ZNF544: variants seen among roughly 807,000 people sequenced by gnomAD.
ZNF544 encodes the protein zinc finger protein 544.
ZNF544 carries 10 observed loss-of-function variants against 13.5 expected under a neutral mutation model. The observed-to-expected ratio is 0.74, with a 90% confidence interval of 0.46 to 1.25. The LOEUF is 1.25. ZNF544 is among the 50% of genes most tolerant of loss of function. ZNF544 has a pLI of 0.00. For synonymous variants in ZNF544, 323 were observed against 300.5 expected, an observed-to-expected ratio of 1.07 and a Z score of -0.77; for missense variants, 896 against 845.6, an observed-to-expected ratio of 1.06 and a Z score of -0.74.
intron 3 of ZNF544, among the ~76,000 whole-genome samples, chr19:58,238,083 C>T (rs2146688305): frequency 6.6e-6 from 1 of 152,298 alleles, no homozygotes; most frequent in South Asian, 2.1e-4. Flanking sequence ...CAGACGTGCA[C>T]CACCACGCCC....
intron 3 of ZNF544, chr19:58,231,955 C>T (rs2041324315): frequency 6.6e-6 from 1 of 152,046 alleles, no homozygotes; most frequent in African/African-American, 2.4e-5. Context: ...ATTCTTGTGC[C>T]TCAGCCTCCC....
intron 6 of ZNF544, among the ~76,000 whole-genome samples, chr19:58,253,308 T>C (rs979263704): frequency 2.6e-5 from 4 of 152,264 alleles, no homozygotes; most frequent in Non-Finnish European, 4.4e-5. Context: ...TCTAAAGTTA[T>C]TTCCTTGTTA....
intron 3 of ZNF544, among the ~76,000 whole-genome samples, chr19:58,235,535 G>C (rs1468351990): frequency 1.3e-5 from 2 of 152,130 alleles, no homozygotes; most frequent in Non-Finnish European, 2.9e-5. Flanking sequence ...TAAAATGTGT[G>C]TGATTTATAC....
chr19:58,272,859 C>T (rs185537855), intron 5 of ZNF544, among the ~76,000 whole-genome samples: 80 of 148,460 alleles, frequency 5.4e-4, no homozygotes, highest in Non-Finnish European at 1.0e-3. Flanking sequence ...GGCTACAGAG[C>T]GAGTCTCCTT....
chr19:58,237,062 C>CT lies in ZNF544; in HGVS notation c.-60+6617dup, dbSNP rs869237830. 8.0e-3 allele frequency among the ~76,000 whole-genome samples: 1,068 copies of CT among 133,300 alleles called. 10 individuals are homozygous for CT. Among genetic ancestry groups the CT allele is most frequent in the East Asian group, 0.02 (90 of 4,558 alleles). 87.4% of individuals were successfully genotyped at this position (133,300 alleles called of 152,430 possible). ...GGCCTCATTCTATGAAACTTTTTAC[C>CT]TTTTTTTTTTTTTTTTTCCCCACAT... On this transcript the variant is annotated intron_variant, in intron 3 of 6. Transcript: ENST00000687789.
rs1425569519 is a variant in ZNF544 at position 58,261,600 on chromosome 19, T to C, written c.994T>C (p.Cys332Arg). 6.2e-7 allele frequency: 1 copy of C among 1,614,226 alleles called. No homozygotes were observed. Among genetic ancestry groups the C allele is most frequent in the South Asian group, 1.1e-5 (1 of 91,090 alleles). The change falls in exon 7 of 7, where the codon TGT (cysteine) becomes CGT (arginine). Residue 332 changes from cysteine (C) to arginine (R), a missense_variant. Transcript: ENST00000687789. ...GETPFRCEERCAAFPMASSFS... is the reference protein window; with the variant it reads ...GETPFRCEERRAAFPMASSFS... The stretch of plus-strand genomic sequence containing the variant: ...GACCCCCTTCAGATGTGAGGAACGC[T>C]GTGCTGCCTTCCCCATGGCCTCATC...
chr19:58,274,327 A>G (rs1252108583), intron 5 of ZNF544, among the ~76,000 whole-genome samples: 1 of 152,194 alleles, frequency 6.6e-6, no homozygotes, highest in Admixed American at 6.5e-5. Flanking sequence ...CATTAGAGTG[A>G]GCCCTGGTCC....
chr19:58,271,697 G>A (rs1476004154), intron 5 of ZNF544, among the ~76,000 whole-genome samples: 3 of 152,170 alleles, frequency 2.0e-5, no homozygotes, highest in African/African-American at 7.2e-5. Flanking sequence ...ATTCCCTGGT[G>A]GTTCACTTCT....
At chr19:58,274,381 C>T (rs2051057870) in intron 5 of ZNF544, among the ~76,000 whole-genome samples, 1 of 152,046 alleles carries the variant, frequency 6.6e-6, no homozygotes, top group Non-Finnish European at 1.5e-5. Flanking sequence ...TGGAGACAGA[C>T]AACTTGTCAC....
In ZNF544 at chr19:58,262,519, A is replaced by G. The variant is rs1436688983; in HGVS notation, c.1913A>G (p.Asn638Ser). The G allele has an allele frequency of 2.5e-6, 4 of 1,614,092 alleles. No individual in the cohort carries two copies. The highest frequency in any genetic ancestry group is 1.3e-5 in the African/African-American group (1 of 74,936). Reference sequence around the variant, plus strand: ...AAGCCGTACAAATGCAATCAGTGCAATAAAGCCTTTGCAAGGAGCTCCTAC... The same window carrying G: ...AAGCCGTACAAATGCAATCAGTGCAGTAAAGCCTTTGCAAGGAGCTCCTAC... ...GEKPYKCNQC[N>S]KAFARSSYLV... Residue 638 changes from asparagine (N) to serine (S), a missense_variant, in exon 7 of 7, where the codon AAT becomes AGT. Transcript: ENST00000687789.
chr19:58,230,812 C>T lies in ZNF544; in HGVS notation c.-60+350C>T, dbSNP rs75968021. Among the ~76,000 whole-genome samples, 6 of 152,198 alleles carry T rather than the reference C, an allele frequency of 3.9e-5. No homozygotes were observed. In the East Asian group the frequency reaches 9.7e-4, roughly 25 times the overall value. On this transcript the variant is annotated intron_variant, in intron 3 of 6. Coordinates refer to ENST00000687789, the MANE Select transcript of ZNF544 (RefSeq NM_014480.4). ...GTGGGGCACTGGGATATGGATTCAT[C>T]TTGACCAGGGAGAAGACATCTCAGC...
At chr19:58,254,915 T>G (rs2046943640) in intron 6 of ZNF544, among the ~76,000 whole-genome samples, 1 of 151,056 alleles carries the variant, frequency 6.6e-6, no homozygotes. Flanking sequence ...TGAGATGGAG[T>G]CTCACTCTGT....
chr19:58,275,836 G>T (rs1474105310), intron 5 of ZNF544, among the ~76,000 whole-genome samples: 2 of 138,398 alleles, frequency 1.4e-5, no homozygotes, highest in East Asian at 4.3e-4. Flanking sequence ...CAAAATCACA[G>T]ATTCCACACC....
chr19:58,262,690 A>G lies in ZNF544; in HGVS notation c.2084A>G (p.Lys695Arg). The G allele has an allele frequency of 1.2e-6, 2 of 1,612,640 alleles. No individual in the cohort carries two copies. The highest frequency in any genetic ancestry group is 1.7e-6 in the Non-Finnish European group (2 of 1,178,826). ...EKPYECSDCG[K>R]SFRQQSQLVV... is the part of the protein sequence containing the mutation. ...CCCTATGAATGTAGTGACTGTGGGA[A>G]ATCCTTCCGGCAGCAATCTCAACTT... is the stretch of plus-strand genomic sequence containing the variant. Residue 695 changes from lysine to arginine, a missense_variant, in exon 7 of 7, where the codon AAA becomes AGA. Physicochemically the swap from Lys to Arg is conservative, Grantham distance 26. Transcript: ENST00000687789.
intron 3 of ZNF544, among the ~76,000 whole-genome samples, chr19:58,233,439 A>G (rs2041772091): frequency 6.6e-6 from 1 of 152,236 alleles, no homozygotes; most frequent in Non-Finnish European, 1.5e-5. Flanking sequence ...ATAGATATAA[A>G]GCAAAAATTG....
rs767841590 is a variant in ZNF544, at chr19:58,261,233, T to A, written c.627T>A (p.Asp209Glu). 1.2e-6 allele frequency: 2 copies of A among 1,614,056 alleles called. No individual in the cohort carries two copies. Among genetic ancestry groups the A allele is most frequent in the Non-Finnish European group, 1.7e-6 (2 of 1,180,044 alleles). The change falls in exon 7 of 7, where the codon GAT (aspartate) becomes GAA (glutamate). Residue 209 changes from aspartate to glutamate, a missense_variant. Asp to Glu is a conservative substitution (Grantham distance 45, BLOSUM62 2). Transcript: ENST00000687789. ...TTAATCATGAGAAAAATGGAGCAGA[T>A]GGGAAGCACTGTGAGAGTCATCAGT... Reference protein sequence around the residue: ...AFINHEKNGADGKHCESHQCA... With the variant: ...AFINHEKNGAEGKHCESHQCA...
chr19:58,252,829 TTA>T (rs2046508798), intron 6 of ZNF544, among the ~76,000 whole-genome samples: 1 of 152,224 alleles, frequency 6.6e-6, no homozygotes, highest in South Asian at 2.1e-4. Flanking sequence ...CTTATTATCA[TTA>T]TGTTTTTGAG....
rs137878493 is a variant in ZNF544 at position 58,237,306 on chromosome 19, C to T, written c.-59-6659C>T. ...CTTGATCTCCTCGGCTCAAGCAGTC[C>T]GCCTGCCTCTGCTGCCCAGAGTTTA... On this transcript the variant is annotated intron_variant, in intron 3 of 6. Transcript: ENST00000687789. Among the ~76,000 whole-genome samples, 1,066 of 152,254 alleles carry T rather than the reference C, an allele frequency of 7.0e-3. 46 individuals carry two copies. The highest frequency in any genetic ancestry group is 0.054 in the Admixed American group (820 of 15,300).
At chr19:58,251,125 GAATT>G (rs1358278881) in intron 6 of ZNF544, among the ~76,000 whole-genome samples, 1 of 152,172 alleles carries the variant, frequency 6.6e-6, no homozygotes, top group East Asian at 1.9e-4. Context: ...CTTGTTATAA[GAATT>G]AATTAAAACA....
Sources: gnomAD v4.1 joint callset for allele counts (sites outside exome capture counted in the v4.1 genomes callset) on GRCh38, gnomAD v4.1.1 for gene constraint, MANE v1.5 for transcripts, NCBI Gene and HGNC (gene_info 2026-07-23, HGNC 2026-07-21) for gene names.